PADI6: variants seen among roughly 807,000 people sequenced by gnomAD.
PADI6 encodes the protein peptidyl arginine deiminase 6, also known as inactive protein-arginine deiminase type-6.
In PADI6, 66 loss-of-function variants were observed where a neutral mutation model predicts 78.2. The ratio of observed to expected loss-of-function variants is 0.84; its 90% CI spans 0.69 to 1.04. PADI6 has a LOEUF of 1.04. PADI6 is among the 50% of genes least tolerant of loss of function. The pLI, the probability that PADI6 is intolerant of heterozygous loss-of-function variation, is 0.00. For missense variants in PADI6, 854 were observed against 866.1 expected (o/e 0.99, Z 0.18); for synonymous variants, 397 against 346.9 (o/e 1.14, Z -1.60).
At chr1:17,383,462 G>GC (rs2075091564) in intron 6 of PADI6, among the ~76,000 whole-genome samples, 1 of 152,244 alleles carries the variant, frequency 6.6e-6, no homozygotes, top group Non-Finnish European at 1.5e-5. Context: ...ATTAGGCCAG[G>GC]CAGGCCTTGG....
intron 8 of PADI6, among the ~76,000 whole-genome samples, chr1:17,390,380 A>AC (rs2075170099): frequency 6.6e-6 from 1 of 151,104 alleles, no homozygotes; most frequent in African/African-American, 2.4e-5. Context: ...CGGGCGGATC[A>AC]CCTGAGGTCA....
chr1:17,393,971 C>T lies in PADI6; in HGVS notation c.1075-4C>T, dbSNP rs1373336430. The T allele has an allele frequency of 5.6e-6, 9 of 1,612,576 alleles. No individual in the cohort carries two copies. The highest frequency in any genetic ancestry group is 2.2e-5 in the East Asian group (1 of 44,864). On this transcript the variant is annotated splice_polypyrimidine_tract_variant and splice_region_variant and intron_variant, in intron 9 of 15. Coordinates refer to ENST00000619609, the MANE Select transcript of PADI6 (RefSeq NM_207421.4). ...CAAACAATCTGTCTTCCTCTCCATTCCAGGATGAGATGGCCTTCTGCTACA... is the reference window on the plus strand; with the variant it reads ...CAAACAATCTGTCTTCCTCTCCATTTCAGGATGAGATGGCCTTCTGCTACA...
chr1:17,398,674 A>ACCCCCCCCCCCCCC lies in PADI6; in HGVS notation c.1690-9_1690-8insCCCCCCCCCCCCCC. Reference sequence around the variant, plus strand: ...CCCCCGCCCCCCCCCCCACCCACCCACCCACCCACAGAAGTGCATTCACCT... The same window carrying ACCCCCCCCCCCCCC: ...CCCCCGCCCCCCCCCCCACCCACCCACCCCCCCCCCCCCCCCCACCCACAGAAGTGCATTCACCT... On this transcript the variant is annotated splice_polypyrimidine_tract_variant and intron_variant, in intron 14 of 15. Transcript: ENST00000619609. The ACCCCCCCCCCCCCC allele has an allele frequency of 3.2e-5, 3 of 93,248 alleles. No individual in the cohort carries two copies. The highest frequency in any genetic ancestry group is 4.5e-4 in the East Asian group (1 of 2,212). The allele number at this position is 93,248 out of a possible 1,614,324, so 5.8% of individuals were successfully genotyped here.
intron 3 of PADI6, among the ~76,000 whole-genome samples, chr1:17,379,209 G>A (rs2075048782): frequency 6.9e-6 from 1 of 145,934 alleles, no homozygotes; most frequent in African/African-American, 2.7e-5. Flanking sequence ...GCCCCCTGGG[G>A]TTCACGCCAT....
chr1:17,398,659 C>G, intron 14 of PADI6, 27 bp from the exon 15 acceptor site: 1 of 81,490 alleles, frequency 1.2e-5, no homozygotes. Context: ...CCCCCGCCCC[C>G]CCCCCCACCC....
chr1:17,384,136 C>G (rs10158217), intron 6 of PADI6, among the ~76,000 whole-genome samples: 87,586 of 151,504 alleles, frequency 0.58, 25,425 homozygotes, highest in South Asian at 0.66. Context: ...GAGTGGGACT[C>G]TGTCTCAAAA....
In PADI6 at chr1:17,373,066, C is replaced by T. The variant is rs1177611649; in HGVS notation, c.127C>T (p.Gln43Ter). 2.5e-6 allele frequency: 4 copies of T among 1,613,636 alleles called. No individual in the cohort carries two copies. Among genetic ancestry groups the T allele is most frequent in the Non-Finnish European group, 3.4e-6 (4 of 1,179,704 alleles). ...ICLDLSGCAP[Q>*]KCQCFTIHGS... ...TACCGGGCAAACCAGGTGTGCCCCC[C>T]AGAAGTGCCAGTGCTTCACCATCCA... The change falls in exon 2 of 16, where the codon CAG (glutamine) becomes TAG (stop). Residue 43 changes from glutamine (Q) to a stop codon, truncating the protein, a stop_gained. Coordinates refer to ENST00000619609, the MANE Select transcript of PADI6 (RefSeq NM_207421.4). LOFTEE classifies it high-confidence loss of function.
intron 8 of PADI6, among the ~76,000 whole-genome samples, chr1:17,390,489 A>G (rs1220632890): frequency 6.6e-6 from 1 of 151,578 alleles, no homozygotes. Flanking sequence ...CAGTAATCCC[A>G]GCTACTCGGG....
In PADI6 at chr1:17,373,150, G is replaced by A. The variant is rs756453208; in HGVS notation, c.211G>A (p.Ala71Thr). The change falls in exon 2 of 16, where the codon GCC becomes ACC. Residue 71 changes from alanine (A) to threonine (T), a missense_variant. Ala to Thr is a moderately conservative substitution (Grantham distance 58). Coordinates refer to ENST00000619609, the MANE Select transcript of PADI6 (RefSeq NM_207421.4). ...ANTVISEKEDATIWWPLSDPT... is the reference protein window; with the variant it reads ...ANTVISEKEDTTIWWPLSDPT... ...CACGGTGATTTCTGAGAAGGAGGAC[G>A]CCACCATCTGGTGGCCCCTGTCTGA... 8.7e-6 allele frequency: 14 copies of A among 1,613,858 alleles called. No individual in the cohort carries two copies. Among genetic ancestry groups the A allele is most frequent in the East Asian group, 6.7e-5 (3 of 44,890 alleles).
intron 11 of PADI6, among the ~76,000 whole-genome samples, 162 bp downstream of exon 11, chr1:17,394,616 G>T (rs2075227172): frequency 6.6e-6 from 1 of 152,150 alleles, no homozygotes; most frequent in Admixed American, 6.5e-5. Context: ...CTAAAGATGA[G>T]AATAAACCAT....
intron 2 of PADI6, among the ~76,000 whole-genome samples, chr1:17,373,865 G>T (rs576369508): frequency 6.6e-5 from 10 of 152,060 alleles, no homozygotes; most frequent in African/African-American, 2.4e-4. Flanking sequence ...ACCTAGAGTG[G>T]GATAGACCCA....
rs1209515861 is a variant in PADI6 at position 17,388,409 on chromosome 1, G to T, written c.708G>T (p.Val236=). The change falls in exon 7 of 16, where the codon GTG becomes GTT. Residue 236 remains valine, a synonymous_variant. Transcript: ENST00000619609. The stretch of plus-strand genomic sequence containing the variant: ...ACAACTCCAGTACCTTTGAGTTGGT[G>T]CTGGGGCCCGACCAGCACGCCTATA... ...QKDNSSTFEL[V]LGPDQHAYTL... 6.2e-7 allele frequency: 1 copy of T among 1,613,274 alleles called. No individual in the cohort carries two copies. Among genetic ancestry groups the T allele is most frequent in the Non-Finnish European group, 8.5e-7 (1 of 1,179,690 alleles).
chr1:17,387,463 G>GC (rs887611914), intron 6 of PADI6, among the ~76,000 whole-genome samples: 1 of 151,438 alleles, frequency 6.6e-6, no homozygotes, highest in Non-Finnish European at 1.5e-5. Context: ...AAAGGAGGGG[G>GC]GGGGGCCAGG....
In PADI6 at chr1:17,398,667, C is replaced by CCCACCCAA; in HGVS notation, c.1690-12_1690-11insACCACCCA. 4.8e-6 allele frequency: 1 copy of CCCACCCAA among 208,718 alleles called. No homozygotes were observed. The highest frequency in any genetic ancestry group is 9.8e-6 in the Non-Finnish European group (1 of 102,424). 12.9% of individuals were successfully genotyped at this position (208,718 alleles called of 1,614,324 possible). A position where few individuals can be genotyped will look rare whatever the true frequency, so the allele number is the denominator to read the frequency against. On this transcript the variant is annotated intron_variant, in intron 14 of 15. Coordinates refer to ENST00000619609, the MANE Select transcript of PADI6 (RefSeq NM_207421.4). ...CCTTGCTCCCCCGCCCCCCCCCCCA[C>CCCACCCAA]CCACCCACCCACCCACAGAAGTGCA... is the stretch of plus-strand genomic sequence containing the variant.
In PADI6 at chr1:17,392,132, T is replaced by A; in HGVS notation, c.981T>A (p.Gly327=). ...VYLCRELQLQ[G]FVDTVTKLSE... ...ATGGCAGGGAGCTGCAGCTGCAGGG[T>A]TTTGTGGACACAGTGACGAAGCTGA... Residue 327 remains glycine, a synonymous_variant, in exon 9 of 16, where the codon GGT becomes GGA. Coordinates refer to ENST00000619609, the MANE Select transcript of PADI6 (RefSeq NM_207421.4). 6.4e-7 allele frequency: 1 copy of A among 1,557,486 alleles called. No individual in the cohort carries two copies. Among genetic ancestry groups the A allele is most frequent in the Non-Finnish European group, 8.7e-7 (1 of 1,150,738 alleles).
intron 15 of PADI6, 61 bp downstream of exon 15, chr1:17,398,908 A>C (rs1570154300): frequency 6.5e-7 from 1 of 1,543,818 alleles, no homozygotes; most frequent in Non-Finnish European, 8.9e-7. Flanking sequence ...ACTGGCTGCC[A>C]CCTCACTGTG....
intron 5 of PADI6, 53 bp from the exon 6 acceptor site, chr1:17,381,914 C>A (rs565879071): frequency 1.2e-6 from 2 of 1,608,742 alleles, no homozygotes; most frequent in African/African-American, 1.3e-5. Flanking sequence ...CCCTCCACCC[C>A]CAGAGTGCTG....
intron 9 of PADI6, among the ~76,000 whole-genome samples, chr1:17,393,229 C>T (rs930716096): frequency 1.3e-5 from 2 of 152,094 alleles, no homozygotes; most frequent in African/African-American, 4.8e-5. Context: ...AGGTGAAAGG[C>T]AGGGCTACCT....
intron 8 of PADI6, among the ~76,000 whole-genome samples, chr1:17,390,513 A>G (rs2075171568): frequency 6.6e-6 from 1 of 151,636 alleles, no homozygotes; most frequent in African/African-American, 2.4e-5. Flanking sequence ...CTGAGGCAGG[A>G]GAATCTCTTG....
Sources: allele counts gnomAD v4.1 joint callset (sites outside exome capture counted in the v4.1 genomes callset), GRCh38; gene constraint gnomAD v4.1.1; transcripts MANE v1.5; gene names NCBI Gene and HGNC (gene_info 2026-07-23, HGNC 2026-07-21).